TRANK1: variants seen among roughly 807,000 people sequenced by gnomAD.
TRANK1 encodes the protein TPR and ankyrin repeat-containing protein 1.
Under a neutral mutation model 266.0 loss-of-function variants are expected in TRANK1, and 198 were observed. The ratio of observed to expected loss-of-function variants is 0.74; its 90% CI spans 0.66 to 0.84. The LOEUF (loss-of-function observed/expected upper bound fraction) is 0.84, where lower values mean the gene tolerates loss of function less well. Among genes scored for constraint, TRANK1 ranks in the 40% least tolerant of loss-of-function variants. TRANK1 has a pLI of 0.00. For synonymous variants in TRANK1, 1,396 were observed against 1,384.1 expected, an observed-to-expected ratio of 1.01 and a Z score of -0.19; for missense variants, 3,326 against 3,634.6, an observed-to-expected ratio of 0.92 and a Z score of 2.18.
Position 36,833,716 on chromosome 3 carries a change from A to G in TRANK1, c.5867T>C (p.Leu1956Pro). The G allele has an allele frequency of 6.2e-7, 1 of 1,614,020 alleles. No homozygotes were observed. Among genetic ancestry groups the G allele is most frequent in the Non-Finnish European group, 8.5e-7 (1 of 1,179,888 alleles). Residue 1956 changes from leucine to proline, a missense_variant, in exon 22 of 24, where the codon CTG (leucine) becomes CCG (proline). Transcript: ENST00000645898. ...CTCTTCTCTCCTACCTTCCCTGTTC[A>G]GCAGGTCTGCAGCTTCTGCTAAGCG... ...RKRLAEAADLLNREGRREEAA... is the reference protein window; with the variant it reads ...RKRLAEAADLPNREGRREEAA...
chr3:36,868,149 C>T (rs1024644458), intron 9 of TRANK1, among the ~76,000 whole-genome samples: 1 of 152,204 alleles, frequency 6.6e-6, no homozygotes, highest in East Asian at 1.9e-4. Context: ...AATTATCTTA[C>T]TTGTTTTTAT....
chr3:36,849,593 G>C (rs2078960672), intron 15 of TRANK1, among the ~76,000 whole-genome samples: 1 of 152,224 alleles, frequency 6.6e-6, no homozygotes, highest in Admixed American at 6.5e-5. Context: ...GTCAAGGAGA[G>C]AGAGGAGCTC....
Position 36,944,920 on chromosome 3 carries a change from C to T in TRANK1, c.-111G>A. 2 of 1,189,578 alleles carry T rather than the reference C, an allele frequency of 1.7e-6. No homozygotes were observed. The highest frequency in any genetic ancestry group is 6.0e-4 in the Middle Eastern group (2 of 3,336). The allele number at this position is 1,189,578 out of a possible 1,614,324, so 73.7% of individuals were successfully genotyped here. On this transcript the variant is annotated 5_prime_UTR_variant, in exon 1 of 24. Transcript: ENST00000645898. The stretch of plus-strand genomic sequence containing the variant: ...GCCCGAAAGCTACCGGAGCCCGGGG[C>T]AGGGGCGGCGCGATGCAGAGGCGGC...
rs370457992 is a variant in TRANK1, at chr3:36,833,008, C to T, written c.6575G>A (p.Cys2192Tyr). The change falls in exon 22 of 24, where the codon TGC becomes TAC. Residue 2192 changes from cysteine (C) to tyrosine (Y), a missense_variant. By Grantham distance (194) the Cys-to-Tyr change is radical (BLOSUM62 -2). Transcript: ENST00000645898. Reference protein sequence around the residue: ...SLLGKTYRGVCMRFIVGLKCE... With the variant: ...SLLGKTYRGVYMRFIVGLKCE... ...TTTTAAGCCTACAATAAACCTCATG[C>T]AGACTCCTCGGTAGGTCTTCCCAAG... 3.7e-6 allele frequency: 6 copies of T among 1,611,956 alleles called. No homozygotes were observed. The highest frequency in any genetic ancestry group is 1.3e-5 in the African/African-American group (1 of 74,898).
intron 9 of TRANK1, among the ~76,000 whole-genome samples, chr3:36,870,407 C>CA (rs1016224749): frequency 7.8e-4 from 97 of 124,616 alleles, no homozygotes; most frequent in African/African-American, 1.0e-3. Context: ...AACTCTGTTT[C>CA]AAAAAAAAAA....
intron 1 of TRANK1, among the ~76,000 whole-genome samples, 189 bp downstream of exon 1, chr3:36,944,598 G>T (rs1242721757): frequency 2.0e-5 from 3 of 152,100 alleles, no homozygotes; most frequent in Admixed American, 6.5e-5. Flanking sequence ...GCCGTCCCCC[G>T]CGACCGACCC....
chr3:36,936,899 C>T (rs1028089278), intron 1 of TRANK1, among the ~76,000 whole-genome samples: 1 of 152,120 alleles, frequency 6.6e-6, no homozygotes, highest in South Asian at 2.1e-4. Flanking sequence ...GTCAGAAGTT[C>T]GAGACTGGCC....
Position 36,856,944 on chromosome 3 carries a change from A to G in TRANK1, c.2778T>C (p.Cys926=). 1.2e-6 allele frequency: 2 copies of G among 1,612,020 alleles called. No homozygotes were observed. Among genetic ancestry groups the G allele is most frequent in the Non-Finnish European group, 1.7e-6 (2 of 1,179,296 alleles). Residue 926 remains cysteine, a synonymous_variant, in exon 13 of 24, where the codon TGT becomes TGC. Coordinates refer to ENST00000645898, the MANE Select transcript of TRANK1 (RefSeq NM_001329998.2). ...AGATCCGCCCTGATTTCTCCATTGCACACGTGTTCTGCTCCGTGGCAATGA... is the reference window on the plus strand; with the variant it reads ...AGATCCGCCCTGATTTCTCCATTGCGCACGTGTTCTGCTCCGTGGCAATGA... The part of the protein sequence containing the change: ...EKIIATEQNT[C]AMEKSGRIYT...
At chr3:36,838,831 C>T in intron 18 of TRANK1, 115 bp from the exon 19 acceptor site, 1 of 1,033,318 alleles carries the variant, frequency 9.7e-7, no homozygotes, top group Non-Finnish European at 1.4e-6. Context: ...TTGCTCCAGC[C>T]CAATCTGAGA....
chr3:36,897,603 A>T lies in TRANK1; in HGVS notation c.433+1506T>A, dbSNP rs4528889. Among the ~76,000 whole-genome samples the T allele has an allele frequency of 3.3e-5, 5 of 152,176 alleles. No homozygotes were observed. In the East Asian group the frequency reaches 9.6e-4, roughly 29 times the overall value. On this transcript the variant is annotated intron_variant, in intron 4 of 23. Transcript: ENST00000645898. ...CAATGGGAACAGTTTGATTGATAAC[A>T]GTCTATCCATTGTCAGCTGTGGTTT... is the stretch of plus-strand genomic sequence containing the variant.
At chr3:36,844,003 A>G (rs932452755) in intron 17 of TRANK1, among the ~76,000 whole-genome samples, 2 of 152,194 alleles carry the variant, frequency 1.3e-5, no homozygotes, top group Non-Finnish European at 2.9e-5. Flanking sequence ...TAAAAGAAAC[A>G]CAAATTACAT....
rs529939247 is a variant in TRANK1, at chr3:36,903,255, G to A, written c.176C>T (p.Ala59Val). The change falls in exon 3 of 24, where the codon GCT (alanine) becomes GTT (valine). Residue 59 changes from alanine to valine, a missense_variant. Transcript: ENST00000645898. Reference sequence around the variant, plus strand: ...ATTTGATTTGTTGCACAGCAGCACAGCCAAGTCCCTCGGGGGAACCCTGTA... The same window carrying A: ...ATTTGATTTGTTGCACAGCAGCACAACCAAGTCCCTCGGGGGAACCCTGTA... ...YQWGVPPRDLAVLLCNKSNAF... is the reference protein window; with the variant it reads ...YQWGVPPRDLVVLLCNKSNAF... 1 of 1,537,306 alleles carries A rather than the reference G, an allele frequency of 6.5e-7. No homozygotes were observed. Among genetic ancestry groups the A allele is most frequent in the African/African-American group, 1.4e-5 (1 of 73,168 alleles).
At chr3:36,881,294 A>G (rs1013549751) in intron 8 of TRANK1, among the ~76,000 whole-genome samples, 2 of 152,096 alleles carry the variant, frequency 1.3e-5, no homozygotes, top group African/African-American at 2.4e-5. Flanking sequence ...TCTACTAAAA[A>G]TACAAAAATT....
chr3:36,870,286 A>G (rs1052036767), intron 9 of TRANK1, among the ~76,000 whole-genome samples: 3 of 152,220 alleles, frequency 2.0e-5, no homozygotes, highest in Admixed American at 6.5e-5. Flanking sequence ...GCATGCCTGT[A>G]ATCCCAGCTA....
At chr3:36,902,128 A>T (rs2079892259) in intron 3 of TRANK1, among the ~76,000 whole-genome samples, 1 of 152,164 alleles carries the variant, frequency 6.6e-6, no homozygotes, top group South Asian at 2.1e-4. Context: ...TAAAAAAATA[A>T]CCGCAAAAAA....
intron 5 of TRANK1, among the ~76,000 whole-genome samples, chr3:36,893,565 A>G (rs2079742184): frequency 6.6e-6 from 1 of 152,286 alleles, no homozygotes; most frequent in East Asian, 1.9e-4. Context: ...AAAGTTAGCA[A>G]ATGCTACAAA....
At chr3:36,866,257 G>C (rs969986401) in intron 9 of TRANK1, among the ~76,000 whole-genome samples, 1 of 152,182 alleles carries the variant, frequency 6.6e-6, no homozygotes, top group Non-Finnish European at 1.5e-5. Flanking sequence ...AAAAGAGCCT[G>C]GCCCAGAGTA....
intron 13 of TRANK1, among the ~76,000 whole-genome samples, chr3:36,852,685 G>A (rs368534793): frequency 1.3e-4 from 20 of 150,052 alleles, no homozygotes; most frequent in Non-Finnish European, 2.1e-4. Flanking sequence ...CAGGAGAATC[G>A]CTTGAACCCA....
intron 8 of TRANK1, chr3:36,880,145 CATAA>C (rs1318970838): frequency 7.2e-6 from 1 of 138,028 alleles, no homozygotes; most frequent in Non-Finnish European, 1.6e-5. Context: ...TATATATAAA[CATAA>C]ATATATATAT....
Sources: gnomAD v4.1 joint callset for allele counts (sites outside exome capture counted in the v4.1 genomes callset) on GRCh38, gnomAD v4.1.1 for gene constraint, MANE v1.5 for transcripts, NCBI Gene and HGNC (gene_info 2026-07-23, HGNC 2026-07-21) for gene names.